The following LRIT3 variants were observed in gnomAD, a reference collection of about 807,000 sequenced individuals.
LRIT3 encodes the protein leucine rich repeat, Ig-like and transmembrane domains 3.
Under a neutral mutation model 22.6 loss-of-function variants are expected in LRIT3, and 14 were observed. The observed-to-expected ratio is 0.62, with a 90% CI of 0.41 to 0.97. The LOEUF (loss-of-function observed/expected upper bound fraction) is 0.97, where lower values mean the gene tolerates loss of function less well. Ranked by LOEUF, LRIT3 falls within the 50% of genes least tolerant of loss-of-function variation. The pLI is 0.00. For synonymous variants in LRIT3, 306 were observed against 304.5 expected (o/e 1.01, Z -0.05); for missense variants, 783 against 803.0 (o/e 0.98, Z 0.30).
chr4:109,859,017 G>A (rs1287118744), intron 2 of LRIT3, among the ~76,000 whole-genome samples: 2 of 152,180 alleles, frequency 1.3e-5, no homozygotes, highest in East Asian at 3.8e-4. Flanking sequence ...ATTGGAAAAG[G>A]TGTCAACTGT....
chr4:109,858,755 T>A lies in LRIT3; in HGVS notation c.589+6779T>A, dbSNP rs1579376563. Reference sequence around the variant, plus strand: ...GGGTAGACTCCTTATCCCCCTCTTTTTGTTTAAGTAATTGTAATTTTAAAG... The same window carrying A: ...GGGTAGACTCCTTATCCCCCTCTTTATGTTTAAGTAATTGTAATTTTAAAG... On this transcript the variant is annotated intron_variant, in intron 2 of 3. Coordinates refer to ENST00000594814, the MANE Select transcript of LRIT3 (RefSeq NM_198506.5). Among the ~76,000 whole-genome samples the A allele has an allele frequency of 2.0e-5, 3 of 152,168 alleles. No individual in the cohort carries two copies. In the East Asian group the frequency reaches 5.8e-4, roughly 29 times the overall value.
chr4:109,850,407 CTTCCTTCCTTCCTTCCTTTCTTTCT>C (rs1734195121), intron 1 of LRIT3, among the ~76,000 whole-genome samples: 3 of 9,782 alleles, frequency 3.1e-4, no homozygotes, highest in Non-Finnish European at 3.8e-4. Context: ...TCCTTCCTTC[CTTCCTTCCTTCCTTCCTTTCTTTCT>C]TTCTTTCTTT....
chr4:109,860,955 C>T (rs113158671), intron 2 of LRIT3, among the ~76,000 whole-genome samples: 3 of 152,300 alleles, frequency 2.0e-5, no homozygotes, highest in African/African-American at 4.8e-5. Flanking sequence ...ATGGGTGTTT[C>T]GAGTTTGGGG....
intron 2 of LRIT3, among the ~76,000 whole-genome samples, chr4:109,857,995 G>C (rs567459787): frequency 6.6e-6 from 1 of 152,118 alleles, no homozygotes; most frequent in Non-Finnish European, 1.5e-5. Context: ...GACCTCCAAG[G>C]TTTGAATATC....
In LRIT3 at chr4:109,870,249, G is replaced by A. The variant is rs1376702887; in HGVS notation, c.1500G>A (p.Val500=). 1 of 1,614,192 alleles carries A rather than the reference G, an allele frequency of 6.2e-7. No individual in the cohort carries two copies. The highest frequency in any genetic ancestry group is 1.1e-5 in the South Asian group (1 of 91,080). ...LRVVSETKES[V]TLTWNMINTT... ...TGGTCAGTGAGACTAAAGAGAGTGT[G>A]ACATTGACGTGGAATATGATCAACA... Residue 500 remains valine (V), a synonymous_variant, in exon 4 of 4, where the codon GTG becomes GTA. Coordinates refer to ENST00000594814, the MANE Select transcript of LRIT3 (RefSeq NM_198506.5).
intron 2 of LRIT3, among the ~76,000 whole-genome samples, chr4:109,853,888 A>G (rs540493365): frequency 1.3e-5 from 2 of 152,280 alleles, no homozygotes; most frequent in East Asian, 3.9e-4. Context: ...CAAAGATCAG[A>G]TGGTTGTAAA....
intron 2 of LRIT3, among the ~76,000 whole-genome samples, chr4:109,864,654 A>G (rs949159119): frequency 7.2e-5 from 11 of 152,226 alleles, no homozygotes; most frequent in African/African-American, 1.2e-4. Context: ...TAACATTTAC[A>G]TGTATATAAG....
At chr4:109,849,401 A>G (rs930691050) in intron 1 of LRIT3, among the ~76,000 whole-genome samples, 12 of 152,202 alleles carry the variant, frequency 7.9e-5, no homozygotes, top group African/African-American at 2.9e-4. Context: ...GATGGATTTT[A>G]TAAAAATTAT....
intron 2 of LRIT3, among the ~76,000 whole-genome samples, chr4:109,856,341 A>G (rs771766235): frequency 4.3e-4 from 66 of 152,170 alleles, no homozygotes; most frequent in Non-Finnish European, 1.9e-4. Flanking sequence ...GCTGATCATG[A>G]TTGGATTGAA....
intron 1 of LRIT3, 53 bp downstream of exon 1, chr4:109,848,370 C>G: frequency 9.8e-7 from 1 of 1,021,318 alleles, no homozygotes. Context: ...CAAAAAGGAC[C>G]CAAACAAGAA....
chr4:109,866,148 TA>T (rs1441899009), intron 2 of LRIT3, among the ~76,000 whole-genome samples: 1 of 152,200 alleles, frequency 6.6e-6, no homozygotes, highest in African/African-American at 2.4e-5. Flanking sequence ...AAAAGTATAA[TA>T]AAAATATAGA....
chr4:109,855,737 C>G (rs7700220), intron 2 of LRIT3, among the ~76,000 whole-genome samples: 126,427 of 152,210 alleles, frequency 0.83, 52,748 homozygotes, highest in African/African-American at 0.92. Context: ...CTGGTATGTT[C>G]TGTCTTTGTT....
chr4:109,868,072 G>A (rs1560595241), intron 3 of LRIT3, 126 bp downstream of exon 3: 1 of 1,010,408 alleles, frequency 9.9e-7, no homozygotes, highest in Non-Finnish European at 1.4e-6. Flanking sequence ...TTGGGTGCAA[G>A]GGATTTTAAA....
intron 2 of LRIT3, among the ~76,000 whole-genome samples, chr4:109,860,212 CT>C (rs952650674): frequency 1.1e-4 from 16 of 151,228 alleles, no homozygotes; most frequent in South Asian, 1.0e-3. Flanking sequence ...ACATAAAATG[CT>C]TTTTTTTTGG....
intron 2 of LRIT3, among the ~76,000 whole-genome samples, chr4:109,858,942 C>T (rs1251102487): frequency 6.6e-6 from 1 of 152,184 alleles, no homozygotes; most frequent in Non-Finnish European, 1.5e-5. Flanking sequence ...AACCGCAAAA[C>T]ATGAAAACAT....
chr4:109,851,435 T>A, intron 1 of LRIT3, 69 bp from the exon 2 acceptor site: 5 of 1,459,854 alleles, frequency 3.4e-6, no homozygotes, highest in Non-Finnish European at 4.5e-6. Context: ...ATTTTTCAAA[T>A]GAGAAGTATT....
chr4:109,862,343 C>T (rs1037904006), intron 2 of LRIT3, among the ~76,000 whole-genome samples: 3 of 152,162 alleles, frequency 2.0e-5, no homozygotes, highest in African/African-American at 7.2e-5. Flanking sequence ...TGAAGGAATG[C>T]AGTGCAAGTA....
At chr4:109,850,414 CCTTCCTTCCTT>C (rs1193801518) in intron 1 of LRIT3, among the ~76,000 whole-genome samples, 290 of 11,582 alleles carry the variant, frequency 0.025, 2 homozygotes, top group African/African-American at 0.089. Context: ...TTCCTTCCTT[CCTTCCTTCCTT>C]TCTTTCTTTC....
chr4:109,858,305 G>A (rs1040094236), intron 2 of LRIT3, among the ~76,000 whole-genome samples: 2 of 152,136 alleles, frequency 1.3e-5, no homozygotes, highest in African/African-American at 2.4e-5. Flanking sequence ...AGCTGGACCT[G>A]GATCGCTGGA....
Sources: allele counts gnomAD v4.1 joint callset (sites outside exome capture counted in the v4.1 genomes callset), GRCh38; gene constraint gnomAD v4.1.1; transcripts MANE v1.5; gene names NCBI Gene and HGNC (gene_info 2026-07-23, HGNC 2026-07-21).